Variants in RGSL1 observed in about 807,000 individuals in gnomAD.
RGSL1 encodes the protein regulator of G protein signaling protein-like.
A neutral mutation model predicts 124.7 loss-of-function variants in RGSL1; 97 were observed. The observed-to-expected ratio is 0.78, with a 90% CI of 0.66 to 0.92. The LOEUF is 0.92. RGSL1 is among the 40% of genes least tolerant of loss of function. RGSL1 has a pLI of 0.00. For synonymous variants in RGSL1, 424 were observed against 438.1 expected (o/e 0.97, Z 0.40); for missense variants, 1,233 against 1,288.4 (o/e 0.96, Z 0.66).
Position 182,534,353 on chromosome 1 carries a change from CTTAT to C in RGSL1, c.2494+1567_2494+1570del, listed in dbSNP as rs1312707300. On this transcript the variant is annotated intron_variant, in intron 14 of 21. Transcript: ENST00000294854. Reference sequence around the variant, plus strand: ...AAAATAATGTGCCAGATAGTCTATTCTTATTTATACTTCTTTAGGAGTTGAGCAT... The same window carrying C: ...AAAATAATGTGCCAGATAGTCTATTCTTATACTTCTTTAGGAGTTGAGCAT... Among the ~76,000 whole-genome samples the C allele has an allele frequency of 3.3e-5, 5 of 152,234 alleles. No individual in the cohort carries two copies. The East Asian group carries it at 9.6e-4, about 29-fold the overall frequency.
intron 16 of RGSL1, 83 bp from the exon 17 acceptor site, chr1:182,548,617 G>A: frequency 1.3e-6 from 2 of 1,529,156 alleles, no homozygotes; most frequent in African/African-American, 1.4e-5. Flanking sequence ...AGAGGGGGTG[G>A]TCATGGGGTT....
intron 17 of RGSL1, 72 bp from the exon 18 acceptor site, chr1:182,551,028 C>A: frequency 1.0e-6 from 1 of 997,416 alleles, no homozygotes; most frequent in Non-Finnish European, 1.6e-6. Flanking sequence ...GGCCCTGTTT[C>A]CCCTGTGCTC....
chr1:182,552,336 G>A (rs1024612857), intron 18 of RGSL1, among the ~76,000 whole-genome samples: 5 of 152,152 alleles, frequency 3.3e-5, no homozygotes, highest in Admixed American at 6.5e-5. Flanking sequence ...GGATGGTCTC[G>A]ATCTCCTGAC....
chr1:182,507,709 T>G (rs1438365673), intron 9 of RGSL1, among the ~76,000 whole-genome samples: 7 of 152,110 alleles, frequency 4.6e-5, no homozygotes, highest in Non-Finnish European at 4.4e-5. Context: ...AGATTTTTTT[T>G]TTTTCTTTTT....
chr1:182,467,577 GA>G (rs1653449085), intron 4 of RGSL1, among the ~76,000 whole-genome samples: 1 of 152,194 alleles, frequency 6.6e-6, no homozygotes, highest in Admixed American at 6.5e-5. Context: ...GCAGAAAGCT[GA>G]AACTGGATCC....
intron 6 of RGSL1, among the ~76,000 whole-genome samples, chr1:182,487,352 T>C (rs1021259881): frequency 2.6e-5 from 4 of 152,210 alleles, no homozygotes; most frequent in African/African-American, 9.6e-5. Flanking sequence ...ATAATTCCAA[T>C]GCATCCCTGC....
chr1:182,558,274 G>A (rs10911097), intron 21 of RGSL1, among the ~76,000 whole-genome samples: 22,867 of 151,892 alleles, frequency 0.15, 2,271 homozygotes, highest in Middle Eastern at 0.27. Flanking sequence ...AGGAAAAGGC[G>A]TCCCAACACT....
At chr1:182,469,639 A>T (rs1265926734) in intron 4 of RGSL1, among the ~76,000 whole-genome samples, 1 of 152,206 alleles carries the variant, frequency 6.6e-6, no homozygotes, top group Non-Finnish European at 1.5e-5. Context: ...ATGGTCCAGC[A>T]ATTTAACTTC....
chr1:182,527,850 A>G (rs531205139), intron 11 of RGSL1, 78 bp downstream of exon 11: 7 of 1,242,136 alleles, frequency 5.6e-6, no homozygotes, highest in Non-Finnish European at 6.7e-6. Flanking sequence ...AGCCTACCTC[A>G]TGTGAGCCCC....
At chr1:182,540,191 A>C in intron 14 of RGSL1, 56 bp from the exon 15 acceptor site, 1 of 1,441,872 alleles carries the variant, frequency 6.9e-7, no homozygotes, top group Non-Finnish European at 9.2e-7. Context: ...GCCCAGGTTG[A>C]GGGTAAGAGT....
intron 6 of RGSL1, among the ~76,000 whole-genome samples, chr1:182,486,066 A>C (rs1303918433): frequency 6.6e-6 from 1 of 152,166 alleles, no homozygotes; most frequent in African/African-American, 2.4e-5. Context: ...CACTGCTCTG[A>C]GAAGGGGCCG....
intron 14 of RGSL1, 120 bp downstream of exon 14, chr1:182,532,911 A>T: frequency 1.8e-6 from 2 of 1,127,388 alleles, no homozygotes; most frequent in Non-Finnish European, 1.2e-6. Flanking sequence ...TAGCAAAAAA[A>T]CCCAGGTCCT....
chr1:182,529,793 G>C (rs140058745), intron 11 of RGSL1, among the ~76,000 whole-genome samples: 1 of 152,132 alleles, frequency 6.6e-6, no homozygotes, highest in African/African-American at 2.4e-5. Context: ...TCCTATCTTT[G>C]ATTATTTTCA....
chr1:182,542,537 G>T lies in RGSL1; in HGVS notation c.2669+2116G>T, dbSNP rs114381763. Among the ~76,000 whole-genome samples the T allele has an allele frequency of 3.7e-3, 562 of 151,916 alleles. 6 individuals carry two copies. Among genetic ancestry groups the T allele is most frequent in the African/African-American group, 0.013 (535 of 41,426 alleles). On this transcript the variant is annotated intron_variant, in intron 15 of 21. Transcript: ENST00000294854. ...TGTTCTTTTTGGTCAGGATTGCTTT[G>T]ACTATTCAGGGTCTTTTGTGGTTCC...
intron 2 of RGSL1, among the ~76,000 whole-genome samples, chr1:182,455,959 C>A (rs77384279): frequency 1.3e-5 from 2 of 152,058 alleles, no homozygotes; most frequent in African/African-American, 4.8e-5. Context: ...GGCAGGAGAC[C>A]TTAATGGAGG....
At chr1:182,474,923 C>G (rs1159710078) in intron 6 of RGSL1, among the ~76,000 whole-genome samples, 1 of 152,170 alleles carries the variant, frequency 6.6e-6, no homozygotes, top group African/African-American at 2.4e-5. Context: ...TGAGGTGGAA[C>G]AGTTTCATTC....
Position 182,554,609 on chromosome 1 carries a change from C to G in RGSL1, c.3131-18C>G. ...TGTCATGAGTCCTGATGCAATTTTT[C>G]TCTGTATTTCTCTTTAGCTTCATCA... is the stretch of plus-strand genomic sequence containing the variant. On this transcript the variant is annotated intron_variant, in intron 19 of 21. Transcript: ENST00000294854. 1.3e-6 allele frequency: 2 copies of G among 1,550,920 alleles called. No homozygotes were observed. The highest frequency in any genetic ancestry group is 1.7e-6 in the Non-Finnish European group (2 of 1,146,576).
At chr1:182,449,850 C>A (rs1651678897), upstream of RGSL1, among the ~76,000 whole-genome samples, 1 of 152,124 alleles carries the variant, frequency 6.6e-6, no homozygotes, top group Non-Finnish European at 1.5e-5. Context: ...ATGCAAAAGT[C>A]ACCCTAGCAT....
In RGSL1 at chr1:182,473,897, C is replaced by T. The variant is rs545741530; in HGVS notation, c.786C>T (p.Asp262=). 1.9e-6 allele frequency: 3 copies of T among 1,551,916 alleles called. No individual in the cohort carries two copies. Among genetic ancestry groups the T allele is most frequent in the Middle Eastern group, 1.7e-4 (1 of 5,994 alleles). The change falls in exon 6 of 22, where the codon GAC becomes GAT. Residue 262 remains aspartate, a synonymous_variant. Coordinates refer to ENST00000294854, the MANE Select transcript of RGSL1 (RefSeq NM_001137669.2). ...KRKMWQLVDP[D]SWSLEMDLKP... The stretch of plus-strand genomic sequence containing the variant: ...AGATGTGGCAATTGGTAGATCCTGA[C>T]TCTTGGTCTCTGGAAATGGATCTCA...
Sources: gnomAD v4.1 joint callset for allele counts (sites outside exome capture counted in the v4.1 genomes callset) on GRCh38, gnomAD v4.1.1 for gene constraint, MANE v1.5 for transcripts, NCBI Gene and HGNC (gene_info 2026-07-23, HGNC 2026-07-21) for gene names.